The following SPATA1 variants were observed in gnomAD, a reference collection of about 807,000 sequenced individuals.
SPATA1 encodes spermatogenesis associated 1, also known as spermatogenesis-associated protein 1.
SPATA1 carries 57 observed loss-of-function variants against 59.6 expected under a neutral mutation model. The ratio of observed to expected loss-of-function variants is 0.96; its 90% CI spans 0.77 to 1.19. The LOEUF (loss-of-function observed/expected upper bound fraction) is 1.19, where lower values mean the gene tolerates loss of function less well. Among genes scored for constraint, SPATA1 ranks in the 50% most tolerant of loss-of-function variants. The pLI is 0.00. For synonymous variants in SPATA1, 147 were observed against 163.9 expected (o/e 0.90, Z 0.79); for missense variants, 448 against 480.7 (o/e 0.93, Z 0.64).
chr1:84,552,646 G>A (rs1015457611), intron 12 of SPATA1: 2 of 159,120 alleles, frequency 1.3e-5, no homozygotes, highest in African/African-American at 4.8e-5. Context: ...CCGTTCCTAA[G>A]GGCTAGGAAT....
At chr1:84,521,296 ATG>A (rs1683015421) in intron 3 of SPATA1, among the ~76,000 whole-genome samples, 2 of 152,324 alleles carry the variant, frequency 1.3e-5, no homozygotes, top group African/African-American at 4.8e-5. Flanking sequence ...AACAAAGAAC[ATG>A]TGTTTATATG....
Position 84,510,808 on chromosome 1 carries a change from A to G in SPATA1, c.-138+4390A>G, listed in dbSNP as rs1345641745. On this transcript the variant is annotated intron_variant, in intron 1 of 12. Coordinates refer to ENST00000490879, the Ensembl canonical transcript of SPATA1. ...TGAGTAAAGAAAATGTGGTACAAAT[A>G]AACAATGGAGTACCGTTCCGCCATA... 3.9e-5 allele frequency among the ~76,000 whole-genome samples: 6 copies of G among 152,258 alleles called. No homozygotes were observed. The East Asian group carries it at 1.2e-3, about 29-fold the overall frequency.
chr1:84,509,986 T>G (rs1682465113), intron 1 of SPATA1, among the ~76,000 whole-genome samples: 2 of 152,030 alleles, frequency 1.3e-5, no homozygotes, highest in Admixed American at 1.3e-4. Context: ...CCAGGAGTTG[T>G]ATAACAGCCT....
At chr1:84,534,725 T>C (rs1436044577) in intron 8 of SPATA1, among the ~76,000 whole-genome samples, 4 of 152,172 alleles carry the variant, frequency 2.6e-5, no homozygotes, top group Non-Finnish European at 5.9e-5. Context: ...CAACAACTAT[T>C]TGTGGAGGTA....
Position 84,553,067 on chromosome 1 carries a change from A to AG in SPATA1, c.1257_1258insG (p.Leu420ValfsTer4). The AG allele has an allele frequency of 6.5e-7, 1 of 1,532,306 alleles. No individual in the cohort carries two copies. Among genetic ancestry groups the AG allele is most frequent in the Non-Finnish European group, 8.8e-7 (1 of 1,140,646 alleles). 94.9% of individuals were successfully genotyped at this position (1,532,306 alleles called of 1,614,324 possible). ...AACAAGCAGTTTCAGATTTACGAAC[A>AG]TTGAAAACTGAACTGGCACAGAAAA... On this transcript the variant is annotated frameshift_variant, in exon 13 of 13. Coordinates refer to ENST00000490879, the Ensembl canonical transcript of SPATA1. LOFTEE classifies it low-confidence loss of function (END_TRUNC).
At chr1:84,515,119 T>C (rs1395768784) in intron 1 of SPATA1, among the ~76,000 whole-genome samples, 1 of 152,202 alleles carries the variant, frequency 6.6e-6, no homozygotes, top group African/African-American at 2.4e-5. Context: ...AATTCTTATC[T>C]AATAATGAAG....
intron 8 of SPATA1, among the ~76,000 whole-genome samples, chr1:84,535,072 A>G (rs1396751187): frequency 2.0e-5 from 3 of 152,140 alleles, no homozygotes; most frequent in African/African-American, 7.2e-5. Flanking sequence ...GGTTCAGTTG[A>G]GATCCTCAGA....
chr1:84,561,138 G>A (rs1684587492), intron 4 of SPATA1, among the ~76,000 whole-genome samples: 1 of 152,170 alleles, frequency 6.6e-6, no homozygotes, highest in African/African-American at 2.4e-5. Context: ...TTTTGGAAAG[G>A]ATTCACCATT....
At chr1:84,548,955 A>G in exon 11 of SPATA1, 1 of 1,584,422 alleles carries the variant, frequency 6.3e-7, no homozygotes, top group Non-Finnish European at 8.6e-7. Flanking sequence ...CAAACATCAC[A>G]GACTCCAAGG....
intron 2 of SPATA1, among the ~76,000 whole-genome samples, chr1:84,519,070 T>A (rs1162544250): frequency 2.6e-5 from 4 of 151,974 alleles, no homozygotes; most frequent in Non-Finnish European, 4.4e-5. Context: ...TTGCCACAGA[T>A]GAAAAATTTA....
At chr1:84,550,681 A>T in intron 12 of SPATA1, 151 bp downstream of exon 12, 1 of 1,205,300 alleles carries the variant, frequency 8.3e-7, no homozygotes, top group Non-Finnish European at 1.0e-6. Flanking sequence ...ATAGGTGAAA[A>T]AAAAAATGCA....
chr1:84,562,038 A>G (rs1684605601), intron 4 of SPATA1, among the ~76,000 whole-genome samples: 1 of 152,210 alleles, frequency 6.6e-6, no homozygotes, highest in Non-Finnish European at 1.5e-5. Context: ...TTAACAAACC[A>G]TATCCATGAA....
At position 84,550,820 on chromosome 1, in the gene SPATA1, A is replaced by T. The variant is rs568094675; in HGVS notation, c.1224+290A>T. On this transcript the variant is annotated intron_variant, in intron 12 of 12. Coordinates refer to ENST00000490879, the Ensembl canonical transcript of SPATA1. ...TCAATATATTCTCAAAAAAAATTTT[A>T]AGTAGTTTTCCTGTATTAGAATTAT... The T allele has an allele frequency of 1.8e-3, 1,807 of 1,009,130 alleles. 4 individuals carry two copies. The highest frequency in any genetic ancestry group is 2.0e-3 in the Non-Finnish European group (1,724 of 844,742). 62.5% of individuals were successfully genotyped at this position (1,009,130 alleles called of 1,614,324 possible).
At chr1:84,553,047 G>T in exon 13 of SPATA1, 1 of 1,522,544 alleles carries the variant, frequency 6.6e-7, no homozygotes, top group Non-Finnish European at 8.8e-7. Flanking sequence ...GAGAAAACAA[G>T]CAGTTTCAGA....
At chr1:84,529,733 C>G (rs1382080074) in intron 6 of SPATA1, among the ~76,000 whole-genome samples, 1 of 151,776 alleles carries the variant, frequency 6.6e-6, no homozygotes, top group East Asian at 1.9e-4. Flanking sequence ...CCTGCCACCA[C>G]ACCCAGCTAA....
intron 6 of SPATA1, among the ~76,000 whole-genome samples, chr1:84,529,047 T>C (rs768446577): frequency 3.9e-5 from 6 of 151,990 alleles, no homozygotes; most frequent in Non-Finnish European, 7.4e-5. Context: ...ACATGACCAC[T>C]TTCAGACTTT....
chr1:84,522,454 G>A lies in SPATA1; in HGVS notation c.208G>A (p.Ala70Thr), dbSNP rs533042256. The change falls in exon 4 of 13, where the codon GCT becomes ACT. Residue 70 changes from alanine to threonine, a missense_variant. Transcript: ENST00000490879. ...TCTTGGTGAGTTCCTGGGTGAAGAT[G>A]CTATTGCAGAAAAATTTTTATTTCT... 32 of 1,545,072 alleles carry A rather than the reference G, an allele frequency of 2.1e-5. No individual in the cohort carries two copies. In the South Asian group the frequency reaches 3.7e-4, roughly 18 times the overall value.
chr1:84,510,140 A>G (rs1291393722), intron 1 of SPATA1, among the ~76,000 whole-genome samples: 1 of 152,170 alleles, frequency 6.6e-6, no homozygotes, highest in Non-Finnish European at 1.5e-5. Context: ...GCACTCCAGC[A>G]TGGGCAACAG....
At chr1:84,518,035 T>C (rs2101928887) in intron 2 of SPATA1, among the ~76,000 whole-genome samples, 1 of 152,164 alleles carries the variant, frequency 6.6e-6, no homozygotes, top group East Asian at 1.9e-4. Flanking sequence ...TAGTTAACTG[T>C]TTACAGGAGA....
Sources: gnomAD v4.1 joint callset for allele counts (sites outside exome capture counted in the v4.1 genomes callset) on GRCh38, gnomAD v4.1.1 for gene constraint, MANE v1.5 for transcripts, NCBI Gene and HGNC (gene_info 2026-07-23, HGNC 2026-07-21) for gene names.